MBOAT7: variants seen among roughly 807,000 people sequenced by gnomAD.
MBOAT7 encodes membrane-bound acylglycerophosphatidylinositol O-acyltransferase MBOAT7.
Under a neutral mutation model 47.4 loss-of-function variants are expected in MBOAT7, and 40 were observed. The ratio of observed to expected loss-of-function variants is 0.84; its 90% CI spans 0.66 to 1.10. The LOEUF is 1.10. MBOAT7 is among the 50% of genes least tolerant of loss of function. The pLI is 0.00. For synonymous variants in MBOAT7, 361 were observed against 292.0 expected (o/e 1.24, Z -2.41); for missense variants, 680 against 655.6 (o/e 1.04, Z -0.41).
At chr19:54,188,918 G>C (rs1172889316) in intron 1 of MBOAT7, among the ~76,000 whole-genome samples, 1 of 151,012 alleles carries the variant, frequency 6.6e-6, no homozygotes, top group Non-Finnish European at 1.5e-5. Flanking sequence ...CTTCCTCTTC[G>C]ACAGCCCAGG....
chr19:54,181,821 G>A (rs1469306292), intron 5 of MBOAT7, among the ~76,000 whole-genome samples: 2 of 4,534 alleles, frequency 4.4e-4, no homozygotes, highest in Non-Finnish European at 9.1e-4. Context: ...GAAGGAGGGA[G>A]GGAAGGAGGG....
Position 54,174,407 on chromosome 19 carries a change from G to A in MBOAT7, c.1056C>T (p.Ser352=), listed in dbSNP as rs764456266. Residue 352 remains serine (S), a synonymous_variant, in exon 8 of 8, where the codon AGC becomes AGT. Coordinates refer to ENST00000245615, the MANE Select transcript of MBOAT7 (RefSeq NM_024298.5). ...CCGGGTGGAGGCCGTGCCAGTAGGC[G>A]CTCAGCAGCATGGTCCAGGCGCTCC... ...VLRSAWTMLL[S]AYWHGLHPGY... The A allele has an allele frequency of 8.8e-6, 14 of 1,591,212 alleles. No individual in the cohort carries two copies. Among genetic ancestry groups the A allele is most frequent in the East Asian group, 4.5e-5 (2 of 44,388 alleles).
At chr19:54,185,679 C>T (rs761969282) in intron 4 of MBOAT7, among the ~76,000 whole-genome samples, 26 of 151,454 alleles carry the variant, frequency 1.7e-4, no homozygotes, top group Admixed American at 4.6e-4. Flanking sequence ...GCATCCAGAA[C>T]GAGTTTTCTT....
intron 1 of MBOAT7, 75 bp from the exon 2 acceptor site, chr19:54,188,586 A>G: frequency 7.0e-7 from 1 of 1,432,246 alleles, no homozygotes; most frequent in South Asian, 1.3e-5. Context: ...TCGAGGATCC[A>G]GGAACCCAGC....
chr19:54,183,157 C>T (rs181830456), intron 5 of MBOAT7, among the ~76,000 whole-genome samples: 4 of 152,200 alleles, frequency 2.6e-5, no homozygotes, highest in African/African-American at 7.2e-5. Context: ...TAAGCCCCCA[C>T]GCCCAGATGA....
chr19:54,184,159 CTCT>C (rs1461618310), intron 4 of MBOAT7, among the ~76,000 whole-genome samples: 5 of 119,520 alleles, frequency 4.2e-5, no homozygotes, highest in African/African-American at 1.2e-4. Flanking sequence ...TAATCTCTCT[CTCT>C]TTTTTTTTTT....
At chr19:54,185,391 A>G (rs1368949520) in intron 4 of MBOAT7, among the ~76,000 whole-genome samples, 1 of 151,934 alleles carries the variant, frequency 6.6e-6, no homozygotes, top group East Asian at 1.9e-4. Flanking sequence ...AGGTACCACA[A>G]CCTGACCCAT....
At chr19:54,182,131 G>A (rs2076304845) in intron 5 of MBOAT7, among the ~76,000 whole-genome samples, 1 of 152,072 alleles carries the variant, frequency 6.6e-6, no homozygotes, top group Non-Finnish European at 1.5e-5. Context: ...CAATATGATG[G>A]TGGTCTGGCC....
In MBOAT7 at chr19:54,180,729, T is replaced by C; in HGVS notation, c.854+44A>G. On this transcript the variant is annotated intron_variant, in intron 6 of 7. Coordinates refer to ENST00000245615, the MANE Select transcript of MBOAT7 (RefSeq NM_024298.5). This position sits in a 1 kb window ranked among gnomAD's most constrained non-coding sequence, Gnocchi z 5.2. Reference sequence around the variant, plus strand: ...TAGGGGCAGAGCCAGCCCTTGGAGGTGGGGGCTGCTGGGTCTTGGGAAGCC... The same window carrying C: ...TAGGGGCAGAGCCAGCCCTTGGAGGCGGGGGCTGCTGGGTCTTGGGAAGCC... The C allele has an allele frequency of 7.0e-7, 1 of 1,433,530 alleles. No homozygotes were observed. Among genetic ancestry groups the C allele is most frequent in the Non-Finnish European group, 9.1e-7 (1 of 1,097,948 alleles). The allele number at this position is 1,433,530 out of a possible 1,614,324, so 88.8% of individuals were successfully genotyped here.
intron 4 of MBOAT7, chr19:54,186,890 G>T: frequency 2.1e-6 from 1 of 472,514 alleles, no homozygotes. Context: ...AAACCACCCA[G>T]CTGGGCCTCT....
rs1214533395 is a variant in MBOAT7, at chr19:54,173,573, C to G, written c.*471G>C. 5.5e-6 allele frequency: 1 copy of G among 180,232 alleles called. No individual in the cohort carries two copies. Among genetic ancestry groups the G allele is most frequent in the East Asian group, 1.6e-4 (1 of 6,380 alleles). 11.2% of individuals were successfully genotyped at this position (180,232 alleles called of 1,614,324 possible). A position where few individuals can be genotyped will look rare whatever the true frequency, so the allele number is the denominator to read the frequency against. The stretch of plus-strand genomic sequence containing the variant: ...CCCGCGCACCCGCACCTCAGTTTCC[C>G]CTTTGTGAAATGGGAAGCTTATGCT... On this transcript the variant is annotated 3_prime_UTR_variant, in exon 8 of 8. Transcript: ENST00000245615.
chr19:54,186,103 T>C (rs1204092861), intron 4 of MBOAT7, among the ~76,000 whole-genome samples: 1 of 151,954 alleles, frequency 6.6e-6, no homozygotes, highest in African/African-American at 2.4e-5. Flanking sequence ...AACCTCCGCC[T>C]CCTGGGTTCA....
At chr19:54,183,488 G>A (rs764797845) in intron 5 of MBOAT7, 33 bp downstream of exon 5, 9 of 1,599,588 alleles carry the variant, frequency 5.6e-6, no homozygotes, top group South Asian at 4.5e-5. Flanking sequence ...ACAGGAGACA[G>A]AGCGGCAGAG....
At position 54,188,253 on chromosome 19, in the gene MBOAT7, A is replaced by G. The variant is rs750860222; in HGVS notation, c.170T>C (p.Ile57Thr). 6.2e-7 allele frequency: 1 copy of G among 1,613,804 alleles called. No individual in the cohort carries two copies. The highest frequency in any genetic ancestry group is 8.5e-7 in the Non-Finnish European group (1 of 1,179,902). Residue 57 changes from isoleucine (I) to threonine (T), a missense_variant, in exon 3 of 8, where the codon ATC becomes ACC. Coordinates refer to ENST00000245615, the MANE Select transcript of MBOAT7 (RefSeq NM_024298.5). ...CTGAATGAGGGCCCAGGTCCCGAGG[A>G]TGGTGACCAGAGAATGCAAAGTGTG... ...GPHTLHSLVT[I>T]LGTWALIQAQ... is the part of the protein sequence containing the mutation.
intron 3 of MBOAT7, 98 bp downstream of exon 3, chr19:54,188,119 G>T (rs1211978118): frequency 8.3e-7 from 1 of 1,210,722 alleles, no homozygotes; most frequent in African/African-American, 1.5e-5. Context: ...ACAAGAGACA[G>T]CTAGACATGA....
At chr19:54,186,765 G>A (rs898660028) in intron 4 of MBOAT7, among the ~76,000 whole-genome samples, 1 of 152,184 alleles carries the variant, frequency 6.6e-6, no homozygotes, top group African/African-American at 2.4e-5. Flanking sequence ...AGGTGATTAG[G>A]AGCCAGACCT....
At chr19:54,174,469 G>C (rs769887254) in intron 7 of MBOAT7, 38 bp from the exon 8 acceptor site, 2 of 1,483,370 alleles carry the variant, frequency 1.3e-6, no homozygotes, top group South Asian at 1.4e-5. Flanking sequence ...TACGAGTCCA[G>C]GTCCCCAGTG....
intron 3 of MBOAT7, among the ~76,000 whole-genome samples, chr19:54,187,920 C>T (rs1166102946): frequency 6.6e-6 from 1 of 151,966 alleles, no homozygotes; most frequent in African/African-American, 2.4e-5. Context: ...GAGGCTGAGG[C>T]AAGAGAATCG....
Position 54,188,429 on chromosome 19 carries a change from T to A in MBOAT7, c.76+4A>T. On this transcript the variant is annotated splice_donor_region_variant and intron_variant, in intron 2 of 7. Transcript: ENST00000245615. ...TTTTCCACTGGGGAGGGAGCCTGAC[T>A]CACCGGCTTTCTTAAAGAGGAAGCC... 1 of 1,564,166 alleles carries A rather than the reference T, an allele frequency of 6.4e-7. No individual in the cohort carries two copies. The highest frequency in any genetic ancestry group is 8.7e-7 in the Non-Finnish European group (1 of 1,153,304).
Sources: allele counts gnomAD v4.1 joint callset (sites outside exome capture counted in the v4.1 genomes callset), GRCh38; gene constraint gnomAD v4.1.1; non-coding constraint Gnocchi (gnomAD v3.1); transcripts MANE v1.5; gene names NCBI Gene and HGNC (gene_info 2026-07-23, HGNC 2026-07-21).